Variants in HK2 observed in about 807,000 individuals in gnomAD.
HK2 encodes the protein hexokinase 2.
In HK2, 42 loss-of-function variants were observed where a neutral mutation model predicts 92.9. The ratio of observed to expected loss-of-function variants is 0.45; its 90% CI spans 0.35 to 0.58. HK2 has a LOEUF of 0.58. Among genes scored for constraint, HK2 ranks in the 20% least tolerant of loss-of-function variants. The pLI is 0.00. For missense variants in HK2, 978 were observed against 1,245.1 expected, an observed-to-expected ratio of 0.79 and a Z score of 3.23; for synonymous variants, 422 against 468.0, an observed-to-expected ratio of 0.90 and a Z score of 1.27.
intron 1 of HK2, among the ~76,000 whole-genome samples, chr2:74,846,068 G>C (rs1468759465): frequency 6.6e-6 from 1 of 152,240 alleles, no homozygotes; most frequent in East Asian, 1.9e-4. Flanking sequence ...ATTTGGGGAG[G>C]CTTCTCCAAG....
intron 1 of HK2, among the ~76,000 whole-genome samples, chr2:74,840,010 C>A (rs1573350915): frequency 7.9e-6 from 1 of 127,090 alleles, no homozygotes; most frequent in Non-Finnish European, 1.6e-5. Context: ...GGCTGGAGTA[C>A]AGTGGCGTGA....
rs985814893 is a variant in HK2, at chr2:74,834,528, C to G, written c.-53C>G. 6.3e-7 allele frequency: 1 copy of G among 1,588,602 alleles called. No homozygotes were observed. Among genetic ancestry groups the G allele is most frequent in the Non-Finnish European group, 8.6e-7 (1 of 1,157,310 alleles). On this transcript the variant is annotated 5_prime_UTR_variant, in exon 1 of 18. Coordinates refer to ENST00000290573, the MANE Select transcript of HK2 (RefSeq NM_000189.5). This position sits in a 1 kb window ranked among gnomAD's most constrained non-coding sequence, Gnocchi z 4.2. The stretch of plus-strand genomic sequence containing the variant: ...AGTCGGACCGCGCCGCCCGCCTCCC[C>G]TCTCGCGTCTCCGCCTCGGTTTCCC...
rs1689670064 is a variant in HK2, at chr2:74,891,216, A to G, written c.*275A>G. Reference sequence around the variant, plus strand: ...AAACATGAAAATTATCTCCCTTAGTAATCCCCCTTGCCAAATTCCATGTCC... The same window carrying G: ...AAACATGAAAATTATCTCCCTTAGTGATCCCCCTTGCCAAATTCCATGTCC... On this transcript the variant is annotated 3_prime_UTR_variant, in exon 18 of 18. Transcript: ENST00000290573. 1.7e-5 allele frequency: 8 copies of G among 459,622 alleles called. No homozygotes were observed. Among genetic ancestry groups the G allele is most frequent in the South Asian group, 1.7e-4 (8 of 47,702 alleles). The allele number at this position is 459,622 out of a possible 1,614,324, so 28.5% of individuals were successfully genotyped here.
At chr2:74,889,161 C>G in intron 16 of HK2, 84 bp from the exon 17 acceptor site, 1 of 1,136,166 alleles carries the variant, frequency 8.8e-7, no homozygotes, top group Non-Finnish European at 1.3e-6. Flanking sequence ...AGAGCCTCCC[C>G]TGTAAGGACT....
At position 74,880,553 on chromosome 2, in the gene HK2, T is replaced by C. The variant is rs758552784; in HGVS notation, c.1554T>C (p.Ala518=). The C allele has an allele frequency of 1.2e-6, 2 of 1,613,970 alleles. No homozygotes were observed. Among genetic ancestry groups the C allele is most frequent in the Non-Finnish European group, 1.7e-6 (2 of 1,179,888 alleles). The change falls in exon 10 of 18, where the codon GCT becomes GCC. Residue 518 remains alanine, a synonymous_variant. Coordinates refer to ENST00000290573, the MANE Select transcript of HK2 (RefSeq NM_000189.5). ...AGATGCTGCCCACCTACGTGTGTGC[T>C]ACCCCGGACGGCACAGGTACACGGC... ...PVKMLPTYVC[A]TPDGTEKGDF...
chr2:74,882,051 G>C (rs542596341), intron 11 of HK2, 69 bp from the exon 12 acceptor site: 2 of 1,501,182 alleles, frequency 1.3e-6, no homozygotes, highest in Non-Finnish European at 1.9e-6. Context: ...GATGTTGTGC[G>C]CAGGCCCTAC....
At chr2:74,880,662 T>C (rs972027110) in intron 10 of HK2, 93 bp downstream of exon 10, 1 of 1,287,566 alleles carries the variant, frequency 7.8e-7, no homozygotes, top group Non-Finnish European at 1.1e-6. Flanking sequence ...GCATTGGACA[T>C]TTGAACCAGA....
intron 12 of HK2, among the ~76,000 whole-genome samples, chr2:74,882,716 G>A (rs1435795375): frequency 1.3e-5 from 2 of 149,968 alleles, no homozygotes; most frequent in Non-Finnish European, 3.0e-5. Flanking sequence ...TAAGAGATAT[G>A]TTTGAATACC....
chr2:74,839,159 C>G lies in HK2; in HGVS notation c.63+4516C>G, dbSNP rs183559582. Among the ~76,000 whole-genome samples the G allele has an allele frequency of 1.5e-3, 224 of 152,144 alleles. 1 individual carries two copies. The highest frequency in any genetic ancestry group is 5.0e-3 in the African/African-American group (208 of 41,496). ...AAGAATTTTAATGTTTTTTTAAGAA[C>G]CTACAGTGAGTGCAAGGCCCTCTGA... is the stretch of plus-strand genomic sequence containing the variant. On this transcript the variant is annotated intron_variant, in intron 1 of 17. Coordinates refer to ENST00000290573, the MANE Select transcript of HK2 (RefSeq NM_000189.5).
chr2:74,870,372 G>A (rs1689067825), intron 3 of HK2, among the ~76,000 whole-genome samples: 1 of 152,008 alleles, frequency 6.6e-6, no homozygotes, highest in Non-Finnish European at 1.5e-5. Flanking sequence ...TATTGGGCAG[G>A]GCAGTATTTA....
chr2:74,865,295 C>T (rs895870791), intron 2 of HK2, among the ~76,000 whole-genome samples: 3 of 151,992 alleles, frequency 2.0e-5, no homozygotes, highest in Non-Finnish European at 4.4e-5. Context: ...TTTGTGTTTT[C>T]CCTTCAGTCC....
chr2:74,890,060 G>A (rs1367074089), intron 17 of HK2, among the ~76,000 whole-genome samples: 1 of 152,226 alleles, frequency 6.6e-6, no homozygotes, highest in Non-Finnish European at 1.5e-5. Flanking sequence ...GAACTCTGGA[G>A]CAAGATTTTT....
intron 1 of HK2, among the ~76,000 whole-genome samples, chr2:74,840,834 G>A (rs189738541): frequency 1.5e-5 from 2 of 132,234 alleles, no homozygotes; most frequent in South Asian, 2.5e-4. Context: ...AGCTGAGATC[G>A]CACCAATGCA....
At chr2:74,889,521 T>C in intron 17 of HK2, 43 bp downstream of exon 17, 1 of 1,276,900 alleles carries the variant, frequency 7.8e-7, no homozygotes, top group African/African-American at 1.5e-5. Flanking sequence ...CTTCTTTCTG[T>C]CTTTGTTCTT....
At chr2:74,874,210 G>T (rs1415113294) in intron 6 of HK2, 56 bp from the exon 7 acceptor site, 2 of 1,604,462 alleles carry the variant, frequency 1.2e-6, no homozygotes, top group African/African-American at 1.3e-5. Flanking sequence ...TAAGAGGGAA[G>T]AGGGGTGGGA....
chr2:74,882,485 G>A (rs567374079), intron 12 of HK2, among the ~76,000 whole-genome samples: 2 of 151,080 alleles, frequency 1.3e-5, no homozygotes, highest in East Asian at 1.9e-4. Context: ...AACAACTGCC[G>A]GGTGTGGTGA....
At chr2:74,859,022 A>G (rs1055082413) in intron 2 of HK2, among the ~76,000 whole-genome samples, 5 of 152,256 alleles carry the variant, frequency 3.3e-5, no homozygotes, top group Non-Finnish European at 4.4e-5. Flanking sequence ...GTCTTACTCA[A>G]TGACTGAATT....
chr2:74,863,397 C>T (rs1444474960), intron 2 of HK2, among the ~76,000 whole-genome samples: 1 of 152,198 alleles, frequency 6.6e-6, no homozygotes, highest in African/African-American at 2.4e-5. Flanking sequence ...CAGACACCAG[C>T]GTTAACTGTG....
chr2:74,837,672 CTTT>C (rs894014535), intron 1 of HK2, among the ~76,000 whole-genome samples: 6 of 104,124 alleles, frequency 5.8e-5, no homozygotes, highest in East Asian at 2.6e-4. Flanking sequence ...TTGCCCTTGT[CTTT>C]TTTTTTTTTT....
Sources: gnomAD v4.1 joint callset for allele counts (sites outside exome capture counted in the v4.1 genomes callset) on GRCh38, gnomAD v4.1.1 for gene constraint, Gnocchi (gnomAD v3.1) non-coding constraint, MANE v1.5 for transcripts, NCBI Gene and HGNC (gene_info 2026-07-23, HGNC 2026-07-21) for gene names.